Variants in KIZ observed in about 807,000 individuals in gnomAD.
KIZ encodes the protein kizuna centrosomal protein, also known as centrosomal protein kizuna.
A neutral mutation model predicts 79.6 loss-of-function variants in KIZ; 68 were observed. The ratio of observed to expected loss-of-function variants is 0.85; its 90% confidence interval spans 0.70 to 1.05. The LOEUF (loss-of-function observed/expected upper bound fraction) is 1.05, where lower values mean the gene tolerates loss of function less well. Ranked by LOEUF, KIZ falls within the 50% of genes least tolerant of loss-of-function variation. The probability of loss-of-function intolerance (pLI) is 0.00; values close to 1 mark genes in which losing one functional copy is unlikely to be tolerated. For synonymous variants in KIZ, 280 were observed against 281.8 expected, an observed-to-expected ratio of 0.99 and a Z score of 0.06; for missense variants, 797 against 800.4, an observed-to-expected ratio of 1.00 and a Z score of 0.05.
intron 7 of KIZ, 74 bp downstream of exon 7, chr20:21,205,658 TAAAA>T: frequency 6.2e-5 from 31 of 499,252 alleles, no homozygotes; most frequent in Admixed American, 2.0e-4. Context: ...AATTTTTATT[TAAAA>T]AAAAAAAAAA....
chr20:21,136,680 G>T, intron 3 of KIZ, 128 bp downstream of exon 3: 1 of 596,812 alleles, frequency 1.7e-6, no homozygotes. Flanking sequence ...CAGTCCTCCT[G>T]TCTTAGCCTC....
chr20:21,191,134 C>T (rs2035085993), intron 6 of KIZ, among the ~76,000 whole-genome samples: 1 of 152,176 alleles, frequency 6.6e-6, no homozygotes, highest in Admixed American at 6.5e-5. Context: ...ACCACTTCCA[C>T]CATTTTTCCC....
chr20:21,149,851 G>A (rs1419464338), intron 4 of KIZ, among the ~76,000 whole-genome samples: 1 of 152,214 alleles, frequency 6.6e-6, no homozygotes, highest in Non-Finnish European at 1.5e-5. Context: ...TATACTGAAA[G>A]AGCAAGTGAC....
At chr20:21,132,592 C>T (rs1001828341) in intron 2 of KIZ, among the ~76,000 whole-genome samples, 6 of 151,206 alleles carry the variant, frequency 4.0e-5, no homozygotes, top group African/African-American at 1.2e-4. Context: ...AGTTGGAGTA[C>T]TCTTACCATT....
intron 1 of KIZ, among the ~76,000 whole-genome samples, chr20:21,126,430 A>T (rs1256916801): frequency 6.6e-6 from 1 of 152,040 alleles, no homozygotes; most frequent in Non-Finnish European, 1.5e-5. Context: ...CCGCCCCGTC[A>T]ATAGCAGCTA....
At chr20:21,182,769 C>T (rs993103802) in intron 6 of KIZ, among the ~76,000 whole-genome samples, 7 of 149,656 alleles carry the variant, frequency 4.7e-5, no homozygotes, top group African/African-American at 7.4e-5. Flanking sequence ...TGCACTCCAG[C>T]CTGGGCAACG....
intron 8 of KIZ, 57 bp from the exon 9 acceptor site, chr20:21,215,526 A>C (rs2044518440): frequency 5.9e-6 from 6 of 1,020,022 alleles, no homozygotes; most frequent in Non-Finnish European, 7.3e-6. Flanking sequence ...CAAACACCCA[A>C]AGGATCTATT....
intron 2 of KIZ, among the ~76,000 whole-genome samples, chr20:21,135,498 C>G (rs2032135916): frequency 6.6e-6 from 1 of 152,134 alleles, no homozygotes; most frequent in South Asian, 2.1e-4. Context: ...AAATTGTTGG[C>G]CTAGGATTGG....
At chr20:21,190,443 C>T (rs1429842378) in intron 6 of KIZ, among the ~76,000 whole-genome samples, 1 of 152,222 alleles carries the variant, frequency 6.6e-6, no homozygotes. Context: ...AGAGCTTCTA[C>T]AGACCTCTCT....
chr20:21,214,965 C>T (rs189316758), intron 8 of KIZ, among the ~76,000 whole-genome samples: 1 of 152,260 alleles, frequency 6.6e-6, no homozygotes, highest in Admixed American at 6.5e-5. Flanking sequence ...GAAATCTTAA[C>T]AAAACTAATC....
chr20:21,229,068 C>T lies in KIZ; in HGVS notation c.1736C>T (p.Thr579Ile). ...ACCCTTCAGGATAATACAAATCAAA[C>T]TGAAAACAGGTTTCAAAAGACAGAT... ...KATLQDNTNQ[T>I]ENRFQKTDAS... The change falls in exon 10 of 13, where the codon ACT becomes ATT. Residue 579 changes from threonine to isoleucine, a missense_variant. Thr to Ile is a moderately conservative substitution (Grantham distance 89). Coordinates refer to ENST00000619189, the MANE Select transcript of KIZ (RefSeq NM_018474.6). 1 of 1,612,580 alleles carries T rather than the reference C, an allele frequency of 6.2e-7. No individual in the cohort carries two copies. Among genetic ancestry groups the T allele is most frequent in the Non-Finnish European group, 8.5e-7 (1 of 1,179,040 alleles).
At chr20:21,203,040 T>TA (rs2035661845) in intron 6 of KIZ, among the ~76,000 whole-genome samples, 1 of 152,196 alleles carries the variant, frequency 6.6e-6, no homozygotes, top group Non-Finnish European at 1.5e-5. Context: ...TCATTTAACA[T>TA]AATCAACAAA....
chr20:21,232,441 C>G (rs2036865417), intron 10 of KIZ, among the ~76,000 whole-genome samples: 1 of 152,196 alleles, frequency 6.6e-6, no homozygotes, highest in Non-Finnish European at 1.5e-5. Flanking sequence ...CAGTAGAGAT[C>G]CATATGCCTA....
chr20:21,199,714 T>G (rs551713811), intron 6 of KIZ, among the ~76,000 whole-genome samples: 1 of 152,364 alleles, frequency 6.6e-6, no homozygotes, highest in African/African-American at 2.4e-5. Context: ...CTATCTGCTT[T>G]GTGATCATCA....
Position 21,136,492 on chromosome 20 carries a change from G to GC in KIZ, c.256dup (p.Arg86ProfsTer24). ...ACCAAGAATATTTAAAGCGATTTGAGCGTGTCCAAGCTCATGTTGTACACT... is the reference window on the plus strand; with the variant it reads ...ACCAAGAATATTTAAAGCGATTTGAGCCGTGTCCAAGCTCATGTTGTACACT... On this transcript the variant is annotated frameshift_variant, in exon 3 of 13. Transcript: ENST00000619189. LOFTEE classifies it high-confidence loss of function. The GC allele has an allele frequency of 6.2e-7, 1 of 1,601,350 alleles. No homozygotes were observed. The highest frequency in any genetic ancestry group is 8.5e-7 in the Non-Finnish European group (1 of 1,172,566).
At chr20:21,148,985 A>T (rs530471915) in intron 4 of KIZ, 4 of 152,372 alleles carry the variant, frequency 2.6e-5, no homozygotes, top group African/African-American at 9.6e-5. Context: ...AATGGGTAAT[A>T]ATCACTGCAC....
chr20:21,203,721 A>G (rs1049017797), intron 6 of KIZ, among the ~76,000 whole-genome samples: 1 of 152,082 alleles, frequency 6.6e-6, no homozygotes, highest in African/African-American at 2.4e-5. Flanking sequence ...TTATTTACCA[A>G]TTTGCAGAAT....
At chr20:21,189,042 C>T (rs971686202) in intron 6 of KIZ, among the ~76,000 whole-genome samples, 1 of 152,252 alleles carries the variant, frequency 6.6e-6, no homozygotes, top group African/African-American at 2.4e-5. Context: ...CGGAGTCTTG[C>T]TATGTTGCCC....
chr20:21,235,310 G>T (rs184538655), intron 11 of KIZ, among the ~76,000 whole-genome samples: 1 of 152,132 alleles, frequency 6.6e-6, no homozygotes, highest in African/African-American at 2.4e-5. Context: ...AATAGAATCC[G>T]ATGTTTATTG....
Sources: allele counts gnomAD v4.1 joint callset (sites outside exome capture counted in the v4.1 genomes callset), GRCh38; gene constraint gnomAD v4.1.1; transcripts MANE v1.5; gene names NCBI Gene and HGNC (gene_info 2026-07-23, HGNC 2026-07-21).